Variants in GRIN2B observed in about 807,000 individuals in gnomAD.
The protein encoded by GRIN2B is glutamate receptor ionotropic, NMDA 2B.
Under a neutral mutation model 114.5 loss-of-function variants are expected in GRIN2B, and 5 were observed. That is an observed-to-expected ratio of 0.04 (90% CI 0.02 to 0.09). GRIN2B has a LOEUF of 0.09. Among genes scored for constraint, GRIN2B ranks in the 10% least tolerant of loss-of-function variants. GRIN2B has a pLI of 1.00. For synonymous variants in GRIN2B, 787 were observed against 745.1 expected (o/e 1.06, Z -0.92); for missense variants, 1,108 against 1,943.5 (o/e 0.57, Z 8.08).
chr12:13,755,715 G>A (rs947722992), intron 3 of GRIN2B, among the ~76,000 whole-genome samples: 8 of 152,194 alleles, frequency 5.3e-5, no homozygotes, highest in African/African-American at 1.7e-4. Flanking sequence ...TGACCTTGTC[G>A]TTAGGTTAAA....
At chr12:13,784,408 GGAGTCCCCACATGACAAT>G (rs1220507997) in intron 3 of GRIN2B, among the ~76,000 whole-genome samples, 8 of 151,946 alleles carry the variant, frequency 5.3e-5, no homozygotes, top group African/African-American at 1.9e-4. Flanking sequence ...CTCAATTTGA[GGAGTCCCCACATGACAAT>G]TTGAGCTGTC....
At chr12:13,746,685 C>T (rs899592923) in intron 4 of GRIN2B, among the ~76,000 whole-genome samples, 1 of 152,194 alleles carries the variant, frequency 6.6e-6, no homozygotes, top group Admixed American at 6.5e-5. Context: ...GACCCCAATG[C>T]TGGAGATTGA....
chr12:13,958,749 C>T (rs192950547), intron 2 of GRIN2B, among the ~76,000 whole-genome samples: 5 of 152,288 alleles, frequency 3.3e-5, no homozygotes, highest in Admixed American at 2.0e-4. Flanking sequence ...TTCTCCTTCT[C>T]CTACTCCTCA....
chr12:13,755,332 G>A (rs778350114), intron 3 of GRIN2B, among the ~76,000 whole-genome samples: 6 of 152,116 alleles, frequency 3.9e-5, no homozygotes, highest in Admixed American at 2.0e-4. Flanking sequence ...ATCCTGATTC[G>A]GCAATGAGAG....
chr12:13,871,179 G>T (rs147061729), intron 2 of GRIN2B, among the ~76,000 whole-genome samples: 61 of 151,840 alleles, frequency 4.0e-4, no homozygotes, highest in African/African-American at 1.4e-3. Context: ...TTATAAGTTC[G>T]AACTAGTTCA....
intron 5 of GRIN2B, among the ~76,000 whole-genome samples, chr12:13,639,028 C>T (rs1433438947): frequency 6.6e-6 from 1 of 152,084 alleles, no homozygotes; most frequent in Non-Finnish European, 1.5e-5. Context: ...CTGAGGAAGG[C>T]CTGCATACAC....
At chr12:13,832,139 C>T (rs1865160251) in intron 3 of GRIN2B, among the ~76,000 whole-genome samples, 1 of 152,104 alleles carries the variant, frequency 6.6e-6, no homozygotes, top group African/African-American at 2.4e-5. Context: ...GAAAATTTAG[C>T]AACTTTCTAA....
rs1232445002 is a variant in GRIN2B, at chr12:13,546,014, C to T, written c.*16769G>A. ...TTCTTTCTGAAGTAAACAGTAATCA[C>T]ATTAACAACCTAGTGATTTCACTGG... is the stretch of plus-strand genomic sequence containing the variant. On this transcript the variant is annotated 3_prime_UTR_variant, in exon 14 of 14. Transcript: ENST00000609686. 1.3e-5 allele frequency: 2 copies of T among 152,122 alleles called. No homozygotes were observed. The highest frequency in any genetic ancestry group is 2.9e-5 in the Non-Finnish European group (2 of 68,022). 9.4% of individuals were successfully genotyped at this position (152,122 alleles called of 1,614,324 possible). A position where few individuals can be genotyped will look rare whatever the true frequency, so the allele number is the denominator to read the frequency against.
chr12:13,658,753 G>A (rs1364421819), intron 5 of GRIN2B, among the ~76,000 whole-genome samples: 1 of 151,738 alleles, frequency 6.6e-6, no homozygotes, highest in Non-Finnish European at 1.5e-5. Context: ...TGATTGCCTG[G>A]CATGGTCTGT....
At chr12:13,760,597 G>C (rs1863661692) in intron 3 of GRIN2B, among the ~76,000 whole-genome samples, 1 of 152,068 alleles carries the variant, frequency 6.6e-6, no homozygotes, top group Non-Finnish European at 1.5e-5. Context: ...TTCAGTTCTT[G>C]AGGACAATCT....
At chr12:13,699,593 A>T (rs979691983) in intron 4 of GRIN2B, among the ~76,000 whole-genome samples, 9 of 144,730 alleles carry the variant, frequency 6.2e-5, no homozygotes, top group Admixed American at 1.4e-4. Flanking sequence ...AAAAAAAATA[A>T]TTTTTTTTTT....
chr12:13,573,803 T>C (rs746780871), intron 10 of GRIN2B, among the ~76,000 whole-genome samples: 10 of 152,104 alleles, frequency 6.6e-5, no homozygotes, highest in Non-Finnish European at 1.5e-4. Flanking sequence ...GGCCACAAAA[T>C]ATCTCAGCAC....
At chr12:13,571,424 A>G (rs1292785483) in intron 11 of GRIN2B, among the ~76,000 whole-genome samples, 1 of 151,976 alleles carries the variant, frequency 6.6e-6, no homozygotes, top group Non-Finnish European at 1.5e-5. Context: ...TCCCCCTTTT[A>G]TTTCTCCCTT....
chr12:13,562,900 G>T lies in GRIN2B; in HGVS notation c.4338C>A (p.Ile1446=). 1 of 1,614,180 alleles carries T rather than the reference G, an allele frequency of 6.2e-7. No individual in the cohort carries two copies. Among genetic ancestry groups the T allele is most frequent in the African/African-American group, 1.3e-5 (1 of 75,042 alleles). Residue 1446 remains isoleucine, a synonymous_variant, in exon 14 of 14, where the codon ATC becomes ATA. Transcript: ENST00000609686. ...AGGGGTTGGACTGGTTCCCTATACA[G>T]ATGTCCTTCTGGAAACGGGCTGGCA... ...GAVPARFQKD[I]CIGNQSNPCV...
At chr12:13,793,314 G>A (rs117906138) in intron 3 of GRIN2B, among the ~76,000 whole-genome samples, 3 of 152,176 alleles carry the variant, frequency 2.0e-5, no homozygotes, top group South Asian at 2.1e-4. Context: ...CCATCTACTC[G>A]GGAGGCTGAA....
intron 5 of GRIN2B, among the ~76,000 whole-genome samples, chr12:13,628,044 T>G (rs1949585730): frequency 2.0e-5 from 3 of 152,182 alleles, no homozygotes; most frequent in Non-Finnish European, 2.9e-5. Context: ...GCTTTGTTTT[T>G]TACCACTCCT....
intron 4 of GRIN2B, among the ~76,000 whole-genome samples, chr12:13,740,470 C>T (rs1274971183): frequency 2.0e-5 from 3 of 150,568 alleles, no homozygotes; most frequent in Admixed American, 6.6e-5. Context: ...TGTCCCGTTT[C>T]TTTCATTTCT....
In GRIN2B at chr12:13,556,448, C is replaced by T. The variant is rs910401382; in HGVS notation, c.*6335G>A. Reference sequence around the variant, plus strand: ...CTAGCCTAGGGACATAGTACGTGCACAATAGACGTTGGTTTAATTAAACTC... The same window carrying T: ...CTAGCCTAGGGACATAGTACGTGCATAATAGACGTTGGTTTAATTAAACTC... On this transcript the variant is annotated 3_prime_UTR_variant, in exon 14 of 14. Coordinates refer to ENST00000609686, the MANE Select transcript of GRIN2B (RefSeq NM_000834.5). The T allele has an allele frequency of 3.3e-5, 5 of 152,118 alleles. No individual in the cohort carries two copies. Among genetic ancestry groups the T allele is most frequent in the African/African-American group, 1.2e-4 (5 of 41,428 alleles). 9.4% of individuals were successfully genotyped at this position (152,118 alleles called of 1,614,324 possible).
rs147849709 is a variant in GRIN2B at position 13,719,933 on chromosome 12, A to G, written c.1010+33384T>C. The stretch of plus-strand genomic sequence containing the variant: ...TACTGCATGATTGTGAAAAACTTCC[A>G]GTCCAGCTACCTTGTAAGCCTTTAA... On this transcript the variant is annotated intron_variant, in intron 4 of 13. Coordinates refer to ENST00000609686, the MANE Select transcript of GRIN2B (RefSeq NM_000834.5). Among the ~76,000 whole-genome samples the G allele has an allele frequency of 1.7e-4, 26 of 152,164 alleles. No homozygotes were observed. In the East Asian group the frequency reaches 5.1e-3, roughly 30 times the overall value.
Sources: gnomAD v4.1 joint callset for allele counts (sites outside exome capture counted in the v4.1 genomes callset) on GRCh38, gnomAD v4.1.1 for gene constraint, MANE v1.5 for transcripts, NCBI Gene and HGNC (gene_info 2026-07-23, HGNC 2026-07-21) for gene names.